Variants in SGCZ observed in about 807,000 individuals in gnomAD.
The protein encoded by SGCZ is zeta-sarcoglycan.
In SGCZ, 40 loss-of-function variants were observed where a neutral mutation model predicts 41.3. The observed-to-expected ratio is 0.97, with a 90% CI of 0.75 to 1.26. The LOEUF (loss-of-function observed/expected upper bound fraction) is 1.26. Ranked by LOEUF, SGCZ falls within the 50% of genes most tolerant of loss-of-function variation. The pLI is 0.00. For synonymous variants in SGCZ, 206 were observed against 137.5 expected (o/e 1.50, Z -3.49); for missense variants, 552 against 369.8 (o/e 1.49, Z -4.04).
At chr8:14,197,847 T>A (rs545225226) in intron 4 of SGCZ, among the ~76,000 whole-genome samples, 6 of 151,746 alleles carry the variant, frequency 4.0e-5, no homozygotes, top group South Asian at 4.2e-4. Context: ...TAACACAGAG[T>A]CTGGAAAAAA....
chr8:14,641,094 ACT>A (rs1462519283), intron 1 of SGCZ, among the ~76,000 whole-genome samples: 1 of 151,732 alleles, frequency 6.6e-6, no homozygotes, highest in East Asian at 2.0e-4. Flanking sequence ...TCAAACTAAC[ACT>A]TCCAAAAAGA....
chr8:15,203,559 A>C, intron 1 of SGCZ, among the ~76,000 whole-genome samples: 1 of 152,192 alleles, frequency 6.6e-6, no homozygotes, highest in East Asian at 1.9e-4. Context: ...TTAAAACCTA[A>C]ATCGGTTTGA....
intron 1 of SGCZ, among the ~76,000 whole-genome samples, chr8:14,758,806 C>T (rs1799767049): frequency 6.6e-6 from 1 of 152,020 alleles, no homozygotes; most frequent in Non-Finnish European, 1.5e-5. Context: ...GTCAGGAGTT[C>T]AAGACCAGCC....
At chr8:15,212,135 T>C (rs1031322443) in intron 1 of SGCZ, among the ~76,000 whole-genome samples, 1 of 152,156 alleles carries the variant, frequency 6.6e-6, no homozygotes, top group African/African-American at 2.4e-5. Flanking sequence ...CATGGATGCC[T>C]AAATAACAAT....
chr8:14,440,163 T>C (rs1254097479), intron 2 of SGCZ, among the ~76,000 whole-genome samples: 1 of 152,092 alleles, frequency 6.6e-6, no homozygotes, highest in Non-Finnish European at 1.5e-5. Context: ...AAGGTGTTTG[T>C]TTTTGTTTGC....
intron 1 of SGCZ, among the ~76,000 whole-genome samples, chr8:14,990,563 G>C (rs1248835098): frequency 2.0e-5 from 3 of 151,900 alleles, no homozygotes; most frequent in African/African-American, 7.3e-5. Context: ...AGAATCCAAT[G>C]CCCAATGATT....
chr8:14,937,836 C>A (rs868700180), intron 1 of SGCZ, among the ~76,000 whole-genome samples: 3 of 151,786 alleles, frequency 2.0e-5, no homozygotes, highest in South Asian at 2.1e-4. Flanking sequence ...ATATGTTGAA[C>A]AATCAGGAAT....
At chr8:14,887,750 TAGAA>T (rs1804865141) in intron 1 of SGCZ, among the ~76,000 whole-genome samples, 1 of 152,158 alleles carries the variant, frequency 6.6e-6, no homozygotes, top group South Asian at 2.1e-4. Flanking sequence ...ATAAACTCAC[TAGAA>T]ATGTATGAAA....
At chr8:14,254,414 C>A (rs776716346) in intron 3 of SGCZ, among the ~76,000 whole-genome samples, 12 of 152,160 alleles carry the variant, frequency 7.9e-5, no homozygotes, top group Non-Finnish European at 1.5e-4. Context: ...CTGAGGCCTG[C>A]CTCACCTAAT....
intron 1 of SGCZ, among the ~76,000 whole-genome samples, chr8:14,719,698 G>T (rs1208391251): frequency 1.3e-5 from 2 of 151,724 alleles, no homozygotes; most frequent in Non-Finnish European, 2.9e-5. Flanking sequence ...TTTTGATGGG[G>T]TTGTTTGTTT....
At position 15,078,147 on chromosome 8, in the gene SGCZ, C is replaced by CTTTTTT. The variant is rs34411963; in HGVS notation, c.39+159432_39+159437dup. The stretch of plus-strand genomic sequence containing the variant: ...TGACAGCCTGTTGGCAGGAACTCTT[C>CTTTTTT]TTTTTTTTTTTTTTTTTTTTTTTTT... On this transcript the variant is annotated intron_variant, in intron 1 of 7. Coordinates refer to ENST00000382080, the MANE Select transcript of SGCZ (RefSeq NM_139167.4). Among the ~76,000 whole-genome samples the CTTTTTT allele has an allele frequency of 4.9e-3, 221 of 44,804 alleles. 37 individuals are homozygous for CTTTTTT. The highest frequency in any genetic ancestry group is 0.013 in the African/African-American group (150 of 11,556). The allele number at this position is 44,804 out of a possible 152,430, so 29.4% of individuals were successfully genotyped here. A position where few individuals can be genotyped will look rare whatever the true frequency, so the allele number is the denominator to read the frequency against.
intron 4 of SGCZ, among the ~76,000 whole-genome samples, chr8:14,218,377 T>C (rs1000537357): frequency 2.6e-5 from 4 of 152,180 alleles, no homozygotes; most frequent in African/African-American, 9.7e-5. Flanking sequence ...ATGAAAGATG[T>C]TCATGTTCTT....
chr8:14,377,511 A>AT (rs896838276), intron 2 of SGCZ, among the ~76,000 whole-genome samples: 19 of 151,148 alleles, frequency 1.3e-4, no homozygotes, highest in Middle Eastern at 3.4e-3. Context: ...TATTATTTTT[A>AT]TTTTTTTTGT....
At chr8:14,800,418 G>A (rs547874241) in intron 1 of SGCZ, among the ~76,000 whole-genome samples, 1 of 152,138 alleles carries the variant, frequency 6.6e-6, no homozygotes, top group African/African-American at 2.4e-5. Context: ...AAAATGGAAA[G>A]GAATATTTTT....
intron 1 of SGCZ, among the ~76,000 whole-genome samples, chr8:14,889,991 G>C (rs1039225230): frequency 2.0e-5 from 3 of 152,060 alleles, no homozygotes; most frequent in African/African-American, 7.2e-5. Context: ...GGCCAAGGCA[G>C]GCAGATCACA....
intron 1 of SGCZ, among the ~76,000 whole-genome samples, chr8:14,829,739 G>A (rs927041412): frequency 6.7e-6 from 1 of 149,434 alleles, no homozygotes; most frequent in African/African-American, 2.6e-5. Context: ...TAATTTAACT[G>A]ATTATTTAAG....
chr8:14,706,209 A>G (rs1456899040), intron 1 of SGCZ, among the ~76,000 whole-genome samples: 1 of 151,610 alleles, frequency 6.6e-6, no homozygotes, highest in African/African-American at 2.4e-5. Flanking sequence ...GTTTTGAATT[A>G]AAAAAAATTA....
chr8:15,166,441 G>C (rs1184492514), intron 1 of SGCZ, among the ~76,000 whole-genome samples: 2 of 151,654 alleles, frequency 1.3e-5, no homozygotes, highest in East Asian at 1.9e-4. Flanking sequence ...GTAGAGATGG[G>C]GTTTCACCGT....
chr8:14,457,575 C>G (rs981027413), intron 2 of SGCZ, among the ~76,000 whole-genome samples: 7 of 152,226 alleles, frequency 4.6e-5, no homozygotes, highest in East Asian at 3.9e-4. Context: ...AGTGGTCACG[C>G]TCCTAGTCCG....
Sources: allele counts gnomAD v4.1 joint callset (sites outside exome capture counted in the v4.1 genomes callset), GRCh38; gene constraint gnomAD v4.1.1; transcripts MANE v1.5; gene names NCBI Gene and HGNC (gene_info 2026-07-23, HGNC 2026-07-21).